Variants in SPIN1 observed in about 807,000 individuals in gnomAD.
SPIN1 encodes the protein spindlin 1.
A neutral mutation model predicts 26.0 loss-of-function variants in SPIN1; 3 were observed. That is an observed-to-expected ratio of 0.12 (90% CI 0.05 to 0.30). The LOEUF (loss-of-function observed/expected upper bound fraction) is 0.30. Ranked by LOEUF, SPIN1 falls within the 10% of genes least tolerant of loss-of-function variation. The pLI is 1.00. For missense variants in SPIN1, 126 were observed against 333.4 expected (o/e 0.38, Z 4.84); for synonymous variants, 101 against 116.5 (o/e 0.87, Z 0.86).
At chr9:88,432,225 C>G (rs978748986) in intron 2 of SPIN1, among the ~76,000 whole-genome samples, 1 of 114,816 alleles carries the variant, frequency 8.7e-6, no homozygotes, top group African/African-American at 3.3e-5. Context: ...GAGTCTTGCT[C>G]TGTTGCCCAG....
chr9:88,429,982 A>C (rs1278738985), intron 2 of SPIN1, among the ~76,000 whole-genome samples: 2 of 152,210 alleles, frequency 1.3e-5, no homozygotes, highest in African/African-American at 4.8e-5. Flanking sequence ...AGTATAGCCT[A>C]TTTTGGAAAG....
At chr9:88,397,890 C>T (rs1827099819) in intron 1 of SPIN1, among the ~76,000 whole-genome samples, 3 of 151,850 alleles carry the variant, frequency 2.0e-5, no homozygotes, top group African/African-American at 7.3e-5. Context: ...TCCCAAAGTG[C>T]TGAGATTACA....
chr9:88,424,813 C>T (rs747669839), intron 1 of SPIN1, among the ~76,000 whole-genome samples: 19 of 152,000 alleles, frequency 1.3e-4, no homozygotes, highest in Admixed American at 7.2e-4. Flanking sequence ...AAGAGCCAGG[C>T]GGGAGGTTGA....
Position 88,410,631 on chromosome 9 carries a change from G to A in SPIN1, c.-158-15751G>A, listed in dbSNP as rs962110669. On this transcript the variant is annotated intron_variant, in intron 1 of 5. Coordinates refer to ENST00000375859, the MANE Select transcript of SPIN1 (RefSeq NM_006717.3). ...CATAGTATTGGCCTCCACCACCATA[G>A]GGGCCAGAGCTTCTGCCTCCAAAGT... The A allele has an allele frequency of 4.7e-6, 5 of 1,072,914 alleles. No homozygotes were observed. The African/African-American group carries it at 7.7e-5, about 17-fold the overall frequency. The allele number at this position is 1,072,914 out of a possible 1,614,324, so 66.5% of individuals were successfully genotyped here.
At chr9:88,466,287 T>C (rs970312289) in intron 4 of SPIN1, among the ~76,000 whole-genome samples, 1 of 152,164 alleles carries the variant, frequency 6.6e-6, no homozygotes, top group African/African-American at 2.4e-5. Flanking sequence ...GTCTCCTGAG[T>C]TGCTGGGACT....
chr9:88,410,318 C>G (rs1487492406), intron 1 of SPIN1, among the ~76,000 whole-genome samples: 1 of 151,930 alleles, frequency 6.6e-6, no homozygotes, highest in African/African-American at 2.4e-5. Flanking sequence ...AACAAAAGAA[C>G]AGAAACTAAA....
chr9:88,445,354 A>G (rs1022669037), intron 2 of SPIN1, among the ~76,000 whole-genome samples: 2 of 151,824 alleles, frequency 1.3e-5, no homozygotes, highest in Non-Finnish European at 2.9e-5. Context: ...TTCTTCACCC[A>G]TTAGCCATTA....
intron 1 of SPIN1, among the ~76,000 whole-genome samples, chr9:88,419,310 G>A (rs1827629398): frequency 1.3e-5 from 2 of 151,814 alleles, no homozygotes; most frequent in South Asian, 2.1e-4. Flanking sequence ...CACTCACCCC[G>A]TCACTCTCTT....
At chr9:88,428,500 A>G (rs910504435) in intron 2 of SPIN1, among the ~76,000 whole-genome samples, 2 of 152,204 alleles carry the variant, frequency 1.3e-5, no homozygotes, top group African/African-American at 2.4e-5. Flanking sequence ...GTTGCTGCAA[A>G]GGACTTGATT....
At chr9:88,465,390 T>C (rs1304638188) in intron 4 of SPIN1, among the ~76,000 whole-genome samples, 1 of 152,220 alleles carries the variant, frequency 6.6e-6, no homozygotes, top group Non-Finnish European at 1.5e-5. Context: ...TCCACAGCAG[T>C]TGTACCATTT....
intron 1 of SPIN1, among the ~76,000 whole-genome samples, chr9:88,396,773 A>G (rs182419956): frequency 6.6e-6 from 1 of 152,222 alleles, no homozygotes; most frequent in African/African-American, 2.4e-5. Context: ...TACTTACACA[A>G]ACCTATATGG....
intron 2 of SPIN1, among the ~76,000 whole-genome samples, chr9:88,434,354 TA>T (rs1827953094): frequency 5.7e-5 from 6 of 104,790 alleles, no homozygotes; most frequent in African/African-American, 3.5e-4. Context: ...GTTTATTTTA[TA>T]AATTATAAAA....
At chr9:88,473,080 A>G (rs185581422) in intron 5 of SPIN1, among the ~76,000 whole-genome samples, 75 of 152,196 alleles carry the variant, frequency 4.9e-4, no homozygotes, top group African/African-American at 1.2e-3. Context: ...TTGAATTTCT[A>G]CTTCTTCAAT....
In SPIN1 at chr9:88,462,092, A is replaced by G. The variant is rs145493804; in HGVS notation, c.102-404A>G. On this transcript the variant is annotated intron_variant, in intron 3 of 5. Coordinates refer to ENST00000375859, the MANE Select transcript of SPIN1 (RefSeq NM_006717.3). ...TGAAGTAGATATTATATAAAACTAT[A>G]TACCTGTGTGATTATTGATAACATG... Among the ~76,000 whole-genome samples, 134 of 152,348 alleles carry G rather than the reference A, an allele frequency of 8.8e-4. 1 individual carries two copies. Among genetic ancestry groups the G allele is most frequent in the African/African-American group, 3.0e-3 (126 of 41,574 alleles).
chr9:88,414,220 A>G (rs1827515660), intron 1 of SPIN1, among the ~76,000 whole-genome samples: 1 of 152,120 alleles, frequency 6.6e-6, no homozygotes, highest in Non-Finnish European at 1.5e-5. Context: ...CCATTGAATC[A>G]TTGGCCTTGA....
At chr9:88,410,188 T>TGTGTGTGTGC (rs4029765) in intron 1 of SPIN1, among the ~76,000 whole-genome samples, 261 of 142,960 alleles carry the variant, frequency 1.8e-3, no homozygotes, top group African/African-American at 6.9e-3. Context: ...TGTGTGTGTG[T>TGTGTGTGTGC]GCAACTTTTT....
At chr9:88,441,427 G>GCGCGCGCC (rs1168447809) in intron 2 of SPIN1, among the ~76,000 whole-genome samples, 4 of 148,756 alleles carry the variant, frequency 2.7e-5, no homozygotes, top group African/African-American at 1.0e-4. Context: ...GCGCGCGCGC[G>GCGCGCGCC]CCCATGTGTG....
At chr9:88,411,069 C>T (rs2117959048) in intron 1 of SPIN1, 6 of 1,571,230 alleles carry the variant, frequency 3.8e-6, no homozygotes, top group South Asian at 3.3e-5. Flanking sequence ...TCAATCACTT[C>T]AGTTTTTCAG....
At chr9:88,442,479 C>A (rs899217057) in intron 2 of SPIN1, among the ~76,000 whole-genome samples, 2 of 151,386 alleles carry the variant, frequency 1.3e-5, no homozygotes, top group Admixed American at 6.6e-5. Context: ...TTTCAGCTCA[C>A]TGCAACCTCT....
Sources: gnomAD v4.1 joint callset for allele counts (sites outside exome capture counted in the v4.1 genomes callset) on GRCh38, gnomAD v4.1.1 for gene constraint, MANE v1.5 for transcripts, NCBI Gene and HGNC (gene_info 2026-07-23, HGNC 2026-07-21) for gene names.